The following FGFR2 variants were observed in gnomAD, a reference collection of about 807,000 sequenced individuals.
The protein encoded by FGFR2 is BEK fibroblast growth factor receptor.
A neutral mutation model predicts 95.9 loss-of-function variants in FGFR2; 19 were observed. The observed-to-expected ratio is 0.20, with a 90% CI of 0.14 to 0.29. The LOEUF (loss-of-function observed/expected upper bound fraction) is 0.29, where lower values mean the gene tolerates loss of function less well. Ranked by LOEUF, FGFR2 falls within the 10% of genes least tolerant of loss-of-function variation. FGFR2 has a pLI of 1.00. For missense variants in FGFR2, 707 were observed against 1,056.9 expected (o/e 0.67, Z 4.59); for synonymous variants, 392 against 393.3 (o/e 1.00, Z 0.04).
intron 6 of FGFR2, among the ~76,000 whole-genome samples, chr10:121,532,847 C>T (rs540107865): frequency 1.3e-5 from 2 of 152,294 alleles, no homozygotes; most frequent in East Asian, 3.9e-4. Flanking sequence ...CGCTCTGGTA[C>T]GGATTCCTGT....
chr10:121,538,633 T>A lies in FGFR2; in HGVS notation c.707A>T (p.Glu236Val). The A allele has an allele frequency of 6.2e-7, 1 of 1,614,156 alleles. No individual in the cohort carries two copies. The highest frequency in any genetic ancestry group is 8.5e-7 in the Non-Finnish European group (1 of 1,180,024). The part of the protein sequence containing the change: ...KGNYTCVVEN[E>V]YGSINHTYHL... ...GTACGTGTGATTGATGGACCCGTAT[T>A]CATTCTCCACTACACAGGTATAATT... Residue 236 changes from glutamate (E) to valine (V), a missense_variant, in exon 6 of 18, where the codon GAA (glutamate) becomes GTA (valine). Glu to Val is a moderately radical substitution (Grantham distance 121). Coordinates refer to ENST00000358487, the MANE Select transcript of FGFR2 (RefSeq NM_000141.5).
chr10:121,496,153 A>C (rs1415609100), intron 13 of FGFR2, among the ~76,000 whole-genome samples: 1 of 152,124 alleles, frequency 6.6e-6, no homozygotes, highest in Non-Finnish European at 1.5e-5. Context: ...TATGTTCAAA[A>C]ACTCAGTAAC....
chr10:121,517,587 C>T lies in FGFR2; in HGVS notation c.940-124G>A, dbSNP rs2134264908. Reference sequence around the variant, plus strand: ...GGTGCTGGCCACTGGGAGATTCCGACTGCAGCCCATCCACAAAGCCCACAA... The same window carrying T: ...GGTGCTGGCCACTGGGAGATTCCGATTGCAGCCCATCCACAAAGCCCACAA... On this transcript the variant is annotated intron_variant, in intron 7 of 17. Transcript: ENST00000358487. The surrounding 1 kb of genome is among the most constrained non-coding windows in gnomAD (Gnocchi z 4.7). 2.7e-6 allele frequency: 3 copies of T among 1,094,716 alleles called. No homozygotes were observed. The highest frequency in any genetic ancestry group is 2.7e-6 in the Non-Finnish European group (2 of 734,342). The allele number at this position is 1,094,716 out of a possible 1,614,324, so 67.8% of individuals were successfully genotyped here.
chr10:121,524,146 A>ACCC lies in FGFR2; in HGVS notation c.749-3980_749-3978dup, dbSNP rs1554933622. Among the ~76,000 whole-genome samples, 208 of 136,970 alleles carry ACCC rather than the reference A, an allele frequency of 1.5e-3. 1 individual carries two copies. Among genetic ancestry groups the ACCC allele is most frequent in the South Asian group, 3.5e-3 (15 of 4,234 alleles). 89.9% of individuals were successfully genotyped at this position (136,970 alleles called of 152,430 possible). ...CACACACACACACACACACACACAC[A>ACCC]CCCCAAGTTTGCAATGGTTTAATGT... On this transcript the variant is annotated intron_variant, in intron 6 of 17. Transcript: ENST00000358487.
intron 9 of FGFR2, among the ~76,000 whole-genome samples, chr10:121,509,274 T>A (rs1848705600): frequency 6.6e-6 from 1 of 151,046 alleles, no homozygotes; most frequent in African/African-American, 2.4e-5. Flanking sequence ...TTGGCAGGCA[T>A]TTTTTTTTAA....
At chr10:121,571,293 C>CTTT (rs1564712761) in intron 2 of FGFR2, among the ~76,000 whole-genome samples, 2,148 of 86,614 alleles carry the variant, frequency 0.025, 122 homozygotes, top group Non-Finnish European at 0.037. Flanking sequence ...CCGTGCCTGG[C>CTTT]CTTTTTTTTT....
intron 1 of FGFR2, 187 bp from the exon 2 acceptor site, chr10:121,594,154 G>C: frequency 2.1e-6 from 1 of 480,388 alleles, no homozygotes; most frequent in South Asian, 2.2e-5. Flanking sequence ...CCACAGAAAT[G>C]TGTGAGGCTA....
Position 121,561,407 on chromosome 10 carries a change from A to G in FGFR2, c.454+3095T>C, listed in dbSNP as rs1856941789. 2.0e-5 allele frequency among the ~76,000 whole-genome samples: 3 copies of G among 150,332 alleles called. No individual in the cohort carries two copies. In the South Asian group the frequency reaches 6.4e-4, roughly 32 times the overall value. ...CCATTGCGCTCCAGCCTGGGCAACA[A>G]GAGCGAAACTCCCATCTCAAAAAAA... On this transcript the variant is annotated intron_variant, in intron 4 of 17. Coordinates refer to ENST00000358487, the MANE Select transcript of FGFR2 (RefSeq NM_000141.5).
chr10:121,514,543 A>G (rs540806166), intron 9 of FGFR2, among the ~76,000 whole-genome samples: 1 of 152,250 alleles, frequency 6.6e-6, no homozygotes, highest in Non-Finnish European at 1.5e-5. Flanking sequence ...GAGACATAAT[A>G]GATGCATACA....
chr10:121,587,643 GA>G (rs1223436297), intron 2 of FGFR2, among the ~76,000 whole-genome samples: 2 of 150,806 alleles, frequency 1.3e-5, no homozygotes, highest in African/African-American at 2.4e-5. Context: ...ACCAGCATAT[GA>G]AAAAAAAAGC....
At chr10:121,551,206 C>A (rs928307513) in intron 5 of FGFR2, 84 bp downstream of exon 5, 2 of 1,482,382 alleles carry the variant, frequency 1.3e-6, no homozygotes, top group Non-Finnish European at 1.9e-6. Flanking sequence ...GGCGACAGAG[C>A]GAGACTCCAT....
chr10:121,573,229 A>G (rs1158929789), intron 2 of FGFR2, among the ~76,000 whole-genome samples: 1 of 152,246 alleles, frequency 6.6e-6, no homozygotes, highest in Admixed American at 6.5e-5. Context: ...TGCCCCGTCC[A>G]ATCACTTCAC....
intron 2 of FGFR2, among the ~76,000 whole-genome samples, chr10:121,586,485 A>T (rs758398130): frequency 5.9e-5 from 9 of 152,252 alleles, no homozygotes; most frequent in Non-Finnish European, 1.2e-4. Flanking sequence ...CTGACTTGGT[A>T]CTGTCAAAAA....
rs76160706 is a variant in FGFR2, at chr10:121,482,235, A to G, written c.2301+1463T>C. The G allele has an allele frequency of 9.9e-5, 153 of 1,541,052 alleles. 1 individual carries two copies. In the African/African-American group the frequency reaches 1.5e-3, roughly 15 times the overall value. ...TCCAAGTCTACAGTTAAAGGAACTT[A>G]TACTAGAAACAACAATTTTGGCAGA... is the stretch of plus-strand genomic sequence containing the variant. On this transcript the variant is annotated intron_variant, in intron 17 of 17. Coordinates refer to ENST00000358487, the MANE Select transcript of FGFR2 (RefSeq NM_000141.5).
chr10:121,509,630 T>G (rs1045427188), intron 9 of FGFR2, among the ~76,000 whole-genome samples: 2 of 151,494 alleles, frequency 1.3e-5, no homozygotes, highest in African/African-American at 4.8e-5. Context: ...ATTACAGGCA[T>G]GTACCACCAC....
intron 1 of FGFR2, among the ~76,000 whole-genome samples, chr10:121,595,547 T>G (rs1251181311): frequency 3.3e-5 from 5 of 152,212 alleles, no homozygotes; most frequent in African/African-American, 1.2e-4. Context: ...GCTTGAAAGA[T>G]TTTTCCTCTT....
intron 6 of FGFR2, chr10:121,528,116 A>T (rs1375196886): frequency 6.6e-6 from 1 of 152,230 alleles, no homozygotes; most frequent in African/African-American, 2.4e-5. Context: ...AGAAGCTAAA[A>T]ACCAAACCAC....
At chr10:121,490,626 C>T (rs137877554) in intron 13 of FGFR2, among the ~76,000 whole-genome samples, 6 of 152,064 alleles carry the variant, frequency 3.9e-5, no homozygotes, top group South Asian at 2.1e-4. Flanking sequence ...ATATCACCAC[C>T]GAAGCCTTTT....
chr10:121,564,543 T>C lies in FGFR2; in HGVS notation c.413A>G (p.Asp138Gly), dbSNP rs1435487500. Residue 138 changes from aspartate (D) to glycine (G), a missense_variant, in exon 4 of 18, where the codon GAT becomes GGT. Around this residue, in one of 7 missense-constraint regions of FGFR2, gnomAD observed 178 missense variants for 194.1 expected, o/e 0.92. Transcript: ENST00000358487. ...ISSGDDEDDT[D>G]GAEDFVSENS... ...CTCACTGACAAAATCTTCCGCACCA[T>C]CGGTGTCATCCTCATCATCTCCGGA... 2 of 1,614,006 alleles carry C rather than the reference T, an allele frequency of 1.2e-6. No homozygotes were observed. Among genetic ancestry groups the C allele is most frequent in the South Asian group, 1.1e-5 (1 of 91,058 alleles).
Sources: gnomAD v4.1 joint callset for allele counts (sites outside exome capture counted in the v4.1 genomes callset) on GRCh38, gnomAD v4.1.1 for gene constraint, gnomAD v4.1.1 regional missense constraint, Gnocchi (gnomAD v3.1) non-coding constraint, MANE v1.5 for transcripts, NCBI Gene and HGNC (gene_info 2026-07-23, HGNC 2026-07-21) for gene names.